NCAM1: variants seen among roughly 807,000 people sequenced by gnomAD.
NCAM1 encodes neural cell adhesion molecule 1, also known as antigen recognized by monoclonal antibody 5.1H11.
Under a neutral mutation model 109.8 loss-of-function variants are expected in NCAM1, and 14 were observed. The ratio of observed to expected loss-of-function variants is 0.13; its 90% CI spans 0.08 to 0.20. NCAM1 has a LOEUF of 0.20. NCAM1 is among the 10% of genes least tolerant of loss of function. NCAM1 has a pLI of 1.00. For synonymous variants in NCAM1, 418 were observed against 442.9 expected (o/e 0.94, Z 0.70); for missense variants, 774 against 1,109.9 (o/e 0.70, Z 4.30).
chr11:112,980,579 CTGTT>C (rs370517862), intron 1 of NCAM1, among the ~76,000 whole-genome samples: 441 of 151,776 alleles, frequency 2.9e-3, no homozygotes, highest in South Asian at 8.7e-3. Context: ...ATTGTGTTAG[CTGTT>C]TGTTTGTTTT....
intron 1 of NCAM1, among the ~76,000 whole-genome samples, chr11:113,177,474 A>G (rs1237607406): frequency 6.6e-6 from 1 of 152,136 alleles, no homozygotes; most frequent in Non-Finnish European, 1.5e-5. Flanking sequence ...TCGCTCTGTC[A>G]TCAGGCTGGA....
intron 1 of NCAM1, among the ~76,000 whole-genome samples, chr11:113,009,598 G>A (rs1484731338): frequency 2.0e-5 from 3 of 152,174 alleles, no homozygotes; most frequent in Non-Finnish European, 4.4e-5. Flanking sequence ...GCCATCCAGT[G>A]AGGATAGGAG....
chr11:113,183,230 T>TA (rs1308663434), intron 1 of NCAM1, among the ~76,000 whole-genome samples: 1 of 152,098 alleles, frequency 6.6e-6, no homozygotes, highest in African/African-American at 2.4e-5. Context: ...TCTTTTATAC[T>TA]AATTCTACAG....
At chr11:113,029,098 A>C (rs1952641033) in intron 1 of NCAM1, among the ~76,000 whole-genome samples, 1 of 152,246 alleles carries the variant, frequency 6.6e-6, no homozygotes, top group African/African-American at 2.4e-5. Context: ...TATACAGAAT[A>C]AAACTTGGGC....
intron 1 of NCAM1, among the ~76,000 whole-genome samples, chr11:113,003,300 C>T (rs1029700588): frequency 7.2e-5 from 11 of 152,178 alleles, no homozygotes; most frequent in East Asian, 1.9e-4. Flanking sequence ...GTCATTTTAC[C>T]GCTAATGCTT....
chr11:113,026,826 T>C (rs1430885000), intron 1 of NCAM1, among the ~76,000 whole-genome samples: 4 of 152,202 alleles, frequency 2.6e-5, no homozygotes, highest in Admixed American at 6.5e-5. Context: ...CGTTTTAATC[T>C]CTATTTTATA....
At chr11:112,975,361 A>C (rs1224532278) in intron 1 of NCAM1, among the ~76,000 whole-genome samples, 1 of 152,022 alleles carries the variant, frequency 6.6e-6, no homozygotes, top group Non-Finnish European at 1.5e-5. Flanking sequence ...TAACTCCCGT[A>C]TTCTATGTAG....
chr11:113,053,079 C>A (rs189450231), intron 1 of NCAM1, among the ~76,000 whole-genome samples: 8 of 152,276 alleles, frequency 5.3e-5, no homozygotes, highest in East Asian at 1.9e-4. Context: ...AAGGCTCCCC[C>A]CAACTTGTGC....
intron 17 of NCAM1, chr11:113,262,891 T>C: frequency 6.2e-7 from 1 of 1,613,934 alleles, no homozygotes; most frequent in South Asian, 1.1e-5. Context: ...GTCTCATTGC[T>C]TTTCTCTGCA....
Position 113,041,032 on chromosome 11 carries a change from T to A in NCAM1, c.52+79368T>A, listed in dbSNP as rs572985836. ...TGTTCAAGGAAATAGCATGGCATAG[T>A]TTCCATAAATTTATTCTAAATTAAA... On this transcript the variant is annotated intron_variant, in intron 1 of 19. Coordinates refer to ENST00000316851, the MANE Select transcript of NCAM1 (RefSeq NM_181351.5). 5.3e-5 allele frequency: 8 copies of A among 152,346 alleles called. No homozygotes were observed. The East Asian group carries it at 1.5e-3, about 29-fold the overall frequency. The allele number at this position is 152,346 out of a possible 1,614,324, so 9.4% of individuals were successfully genotyped here.
chr11:113,099,225 T>C (rs1555091054), intron 1 of NCAM1, among the ~76,000 whole-genome samples: 1 of 152,190 alleles, frequency 6.6e-6, no homozygotes, highest in East Asian at 1.9e-4. Flanking sequence ...TTTTAATTGT[T>C]ATGTCCTGCA....
At chr11:113,042,520 C>T (rs551562187) in intron 1 of NCAM1, among the ~76,000 whole-genome samples, 1 of 152,302 alleles carries the variant, frequency 6.6e-6, no homozygotes, top group South Asian at 2.1e-4. Flanking sequence ...GAAAGCCCTC[C>T]TTGTGATCTT....
chr11:113,270,098 C>A, intron 17 of NCAM1, 90 bp from the exon 18 acceptor site: 2 of 1,263,288 alleles, frequency 1.6e-6, no homozygotes, highest in Admixed American at 1.7e-5. Context: ...GTCCTCTGGG[C>A]CCTCCCCACC....
chr11:113,273,223 C>T lies in NCAM1; in HGVS notation c.2456+1347C>T, dbSNP rs1419977584. The stretch of plus-strand genomic sequence containing the variant: ...CCCCTCGTTGACCTGAGCGACACCC[C>T]GACCTCAACCCCTGCCGCTAGCAAT... On this transcript the variant is annotated intron_variant, in intron 19 of 19. Coordinates refer to ENST00000316851, the MANE Select transcript of NCAM1 (RefSeq NM_181351.5). This position sits in a 1 kb window ranked among gnomAD's most constrained non-coding sequence, Gnocchi z 6.0. 2.2e-5 allele frequency: 8 copies of T among 368,428 alleles called. No individual in the cohort carries two copies. In the East Asian group the frequency reaches 2.2e-4, roughly 10 times the overall value. The allele number at this position is 368,428 out of a possible 1,614,324, so 22.8% of individuals were successfully genotyped here. A position where few individuals can be genotyped will look rare whatever the true frequency, so the allele number is the denominator to read the frequency against.
chr11:113,098,764 AC>A (rs1386881684), intron 1 of NCAM1, among the ~76,000 whole-genome samples: 4 of 152,202 alleles, frequency 2.6e-5, no homozygotes, highest in African/African-American at 9.6e-5. Flanking sequence ...TGAGGGGAGC[AC>A]AGTGCGTTCC....
In NCAM1 at chr11:113,214,355, T is replaced by A. The variant is rs782601339; in HGVS notation, c.917-14T>A. 8 of 1,612,962 alleles carry A rather than the reference T, an allele frequency of 5.0e-6. No homozygotes were observed. Among genetic ancestry groups the A allele is most frequent in the Non-Finnish European group, 5.9e-6 (7 of 1,179,312 alleles). ...ATAATTAGATAAACTCAGAGAAATGTTTTGTCTTTTCAGCAAAACCCAAAA... is the reference window on the plus strand; with the variant it reads ...ATAATTAGATAAACTCAGAGAAATGATTTGTCTTTTCAGCAAAACCCAAAA... On this transcript the variant is annotated splice_polypyrimidine_tract_variant and intron_variant, in intron 7 of 19. Coordinates refer to ENST00000316851, the MANE Select transcript of NCAM1 (RefSeq NM_181351.5).
At chr11:112,988,085 G>T (rs562106817) in intron 1 of NCAM1, among the ~76,000 whole-genome samples, 4 of 151,930 alleles carry the variant, frequency 2.6e-5, no homozygotes, top group African/African-American at 9.7e-5. Flanking sequence ...ACCATGAGGC[G>T]TACATAGAGC....
chr11:112,975,680 T>C (rs1291119983), intron 1 of NCAM1, among the ~76,000 whole-genome samples: 3 of 151,910 alleles, frequency 2.0e-5, no homozygotes, highest in Non-Finnish European at 2.9e-5. Context: ...AGATAAGGGA[T>C]TGAAAGTGAG....
At chr11:113,221,425 A>G in intron 9 of NCAM1, 100 bp downstream of exon 9, 1 of 1,265,262 alleles carries the variant, frequency 7.9e-7, no homozygotes, top group Non-Finnish European at 1.1e-6. Flanking sequence ...ACTAATTAGT[A>G]ATTTAGCTAA....
Sources: allele counts gnomAD v4.1 joint callset (sites outside exome capture counted in the v4.1 genomes callset), GRCh38; gene constraint gnomAD v4.1.1; non-coding constraint Gnocchi (gnomAD v3.1); transcripts MANE v1.5; gene names NCBI Gene and HGNC (gene_info 2026-07-23, HGNC 2026-07-21).